COMP: variants seen among roughly 807,000 people sequenced by gnomAD.
The protein encoded by COMP is cartilage oligomeric matrix protein.
COMP carries 79 observed loss-of-function variants against 95.8 expected under a neutral mutation model. The observed-to-expected ratio is 0.82, with a 90% CI of 0.69 to 0.99. The LOEUF (loss-of-function observed/expected upper bound fraction) is 0.99. Ranked by LOEUF, COMP falls within the 50% of genes least tolerant of loss-of-function variation. COMP has a pLI of 0.00. For synonymous variants in COMP, 438 were observed against 433.9 expected (o/e 1.01, Z -0.12); for missense variants, 906 against 1,076.1 (o/e 0.84, Z 2.21).
rs1206596067 is a variant in COMP at position 18,784,814 on chromosome 19, C to T, written c.1914+82G>A. 8 of 1,492,244 alleles carry T rather than the reference C, an allele frequency of 5.4e-6. No homozygotes were observed. In the East Asian group the frequency reaches 6.8e-5, roughly 13 times the overall value. The allele number at this position is 1,492,244 out of a possible 1,614,324, so 92.4% of individuals were successfully genotyped here. A position where few individuals can be genotyped will look rare whatever the true frequency, so the allele number is the denominator to read the frequency against. ...AGTATGAGGCTAGGGGGCTGGGGGGCTCTAAGGGCTGTAAAGGGTTTTACG... is the reference window on the plus strand; with the variant it reads ...AGTATGAGGCTAGGGGGCTGGGGGGTTCTAAGGGCTGTAAAGGGTTTTACG... On this transcript the variant is annotated intron_variant, in intron 16 of 18. Transcript: ENST00000222271. The surrounding 1 kb of genome is among the most constrained non-coding windows in gnomAD (Gnocchi z 4.9).
Position 18,784,287 on chromosome 19 carries a change from AC to A in COMP, c.1990del (p.Val664CysfsTer?). ...LWHTGDTESQ[V>X]RLLWKDPRNV... ...TCGCGGGTCCTTCCACAGCAGCCGC[AC>A]CTGGGACTCTGTGTCTCCTGTATGC... On this transcript the variant is annotated frameshift_variant, in exon 17 of 19. Transcript: ENST00000222271. LOFTEE classifies it high-confidence loss of function. This position sits in a 1 kb window ranked among gnomAD's most constrained non-coding sequence, Gnocchi z 4.9. 3.1e-6 allele frequency: 5 copies of A among 1,614,082 alleles called. No homozygotes were observed. The highest frequency in any genetic ancestry group is 4.2e-6 in the Non-Finnish European group (5 of 1,180,022).
At chr19:18,791,166 C>T (rs768480039) in intron 1 of COMP, 25 bp downstream of exon 1, 43 of 1,564,568 alleles carry the variant, frequency 2.7e-5, no homozygotes, top group South Asian at 2.5e-4. Context: ...GCCGTGGGCA[C>T]GGCGCGGGTG....
Position 18,784,124 on chromosome 19 carries a change from G to A in COMP, c.2087+67C>T. On this transcript the variant is annotated intron_variant, in intron 17 of 18. Transcript: ENST00000222271. The surrounding 1 kb of genome is among the most constrained non-coding windows in gnomAD (Gnocchi z 4.9). ...ACCAGGGTCACACAGCCCCTGCCTG[G>A]CCAGGGCACTCCCACCTGGGCCTGT... 1.9e-6 allele frequency: 3 copies of A among 1,573,248 alleles called. No homozygotes were observed. Among genetic ancestry groups the A allele is most frequent in the Non-Finnish European group, 2.6e-6 (3 of 1,145,356 alleles).
chr19:18,790,497 C>CTGTCTCTGTCTCTG, intron 3 of COMP, 65 bp downstream of exon 3: 1 of 1,596,608 alleles, frequency 6.3e-7, no homozygotes, highest in Non-Finnish European at 8.6e-7. Flanking sequence ...CCCTGGCTCT[C>CTGTCTCTGTCTCTG]TGTCTCTGTC....
Position 18,788,861 on chromosome 19 carries a change from T to C in COMP, c.581A>G (p.Asn194Ser), listed in dbSNP as rs1410653129. The stretch of plus-strand genomic sequence containing the variant: ...TACCCGGGTGTTGATGCACACGGAG[T>C]TGGGGACGCAGTTATGTTGCCCGGT... ...CETGQHNCVP[N>S]SVCINTRGSF... Residue 194 changes from asparagine to serine, a missense_variant, in exon 6 of 19, where the codon AAC becomes AGC. Asn to Ser is a conservative substitution (Grantham distance 46, BLOSUM62 1). Transcript: ENST00000222271. The surrounding 1 kb of genome is among the most constrained non-coding windows in gnomAD (Gnocchi z 4.7). 2.5e-6 allele frequency: 4 copies of C among 1,613,836 alleles called. No individual in the cohort carries two copies. The highest frequency in any genetic ancestry group is 3.4e-6 in the Non-Finnish European group (4 of 1,179,970).
At position 18,784,066 on chromosome 19, in the gene COMP, GC is replaced by G; in HGVS notation, c.2087+124del. On this transcript the variant is annotated intron_variant, in intron 17 of 18. Transcript: ENST00000222271. This position sits in a 1 kb window ranked among gnomAD's most constrained non-coding sequence, Gnocchi z 4.9. ...GGACCAGCATAGGCTCATTCTAACT[GC>G]CCTGTATCTTTCCTATCGTACAGAT... 9.1e-7 allele frequency: 1 copy of G among 1,096,584 alleles called. No homozygotes were observed. The allele number at this position is 1,096,584 out of a possible 1,614,324, so 67.9% of individuals were successfully genotyped here.
At chr19:18,787,752 C>G in intron 9 of COMP, 102 bp from the exon 10 acceptor site, 1 of 1,524,316 alleles carries the variant, frequency 6.6e-7, no homozygotes. Flanking sequence ...CCTCAAGGAA[C>G]CTTTCGCCCC....
At chr19:18,785,422 C>G in intron 15 of COMP, 76 bp downstream of exon 15, 1 of 1,587,376 alleles carries the variant, frequency 6.3e-7, no homozygotes, top group Non-Finnish European at 8.6e-7. Flanking sequence ...CCATTCTCAG[C>G]CCGGGCCTGC....
Position 18,784,425 on chromosome 19 carries a change from C to T in COMP, c.1915-62G>A. 6.3e-7 allele frequency: 1 copy of T among 1,594,554 alleles called. No individual in the cohort carries two copies. Among genetic ancestry groups the T allele is most frequent in the Non-Finnish European group, 8.6e-7 (1 of 1,164,916 alleles). On this transcript the variant is annotated intron_variant, in intron 16 of 18. Transcript: ENST00000222271. This position sits in a 1 kb window ranked among gnomAD's most constrained non-coding sequence, Gnocchi z 4.9. ...GGGCCACCGGAGCCCCCCTAGACAC[C>T]TTCCTGGAGAGACAGTTGGGAGCAG...
rs756649872 is a variant in COMP at position 18,788,445 on chromosome 19, C to A, written c.832G>T (p.Glu278Ter). 6.3e-7 allele frequency: 1 copy of A among 1,587,724 alleles called. No individual in the cohort carries two copies. Among genetic ancestry groups the A allele is most frequent in the Non-Finnish European group, 8.6e-7 (1 of 1,165,326 alleles). Residue 278 changes from glutamate to a stop codon, truncating the protein, a stop_gained, in exon 8 of 19, where the codon GAG (glutamate) becomes TAG (stop). Coordinates refer to ENST00000222271, the MANE Select transcript of COMP (RefSeq NM_000095.3). LOFTEE classifies it high-confidence loss of function. The surrounding 1 kb of genome is among the most constrained non-coding windows in gnomAD (Gnocchi z 4.7). ...TGGCGCTCCGGGCAGCGCAGCTTCT[C>A]GTCCGGGAAGCCGTCTAGGTCAGTG... is the stretch of plus-strand genomic sequence containing the variant. ...RDTDLDGFPD[E>*]KLRCPERQCR...
intron 17 of COMP, among the ~76,000 whole-genome samples, chr19:18,783,673 G>A (rs567344403): frequency 1.4e-4 from 21 of 149,850 alleles, no homozygotes; most frequent in Non-Finnish European, 2.5e-4. Flanking sequence ...GCAATGGCAC[G>A]ATCTCCACTC....
At position 18,788,436 on chromosome 19, in the gene COMP, G is replaced by T. The variant is rs1455818871; in HGVS notation, c.841C>A (p.Arg281Ser). The T allele has an allele frequency of 6.6e-7, 1 of 1,512,998 alleles. No homozygotes were observed. The highest frequency in any genetic ancestry group is 1.8e-5 in the Admixed American group (1 of 56,618). 93.7% of individuals were successfully genotyped at this position (1,512,998 alleles called of 1,614,324 possible). The stretch of plus-strand genomic sequence containing the variant: ...TTACGGCACTGGCGCTCCGGGCAGC[G>T]CAGCTTCTCGTCCGGGAAGCCGTCT... ...DLDGFPDEKLRCPERQCRKDN... is the reference protein window; with the variant it reads ...DLDGFPDEKLSCPERQCRKDN... Residue 281 changes from arginine (R) to serine (S), a missense_variant, in exon 8 of 19, where the codon CGC (arginine) becomes AGC (serine). Transcript: ENST00000222271. The surrounding 1 kb of genome is among the most constrained non-coding windows in gnomAD (Gnocchi z 4.7).
Position 18,789,596 on chromosome 19 carries a change from G to T in COMP, c.391-299C>A, listed in dbSNP as rs1446667816. On this transcript the variant is annotated intron_variant, in intron 4 of 18. Coordinates refer to ENST00000222271, the MANE Select transcript of COMP (RefSeq NM_000095.3). The surrounding 1 kb of genome is among the most constrained non-coding windows in gnomAD (Gnocchi z 6.1). ...CGTGCGTGCCCGGCGGTGGCGGGGGGTCTGGGCGTGCGTTCCCTGGCTGTG... is the reference window on the plus strand; with the variant it reads ...CGTGCGTGCCCGGCGGTGGCGGGGGTTCTGGGCGTGCGTTCCCTGGCTGTG... Among the ~76,000 whole-genome samples, 1 of 151,478 alleles carries T rather than the reference G, an allele frequency of 6.6e-6. No individual in the cohort carries two copies. Among genetic ancestry groups the T allele is most frequent in the Non-Finnish European group, 1.5e-5 (1 of 67,866 alleles).
rs751036767 is a variant in COMP at position 18,785,967 on chromosome 19, T to C, written c.1487A>G (p.Asp496Gly). 1 of 1,607,172 alleles carries C rather than the reference T, an allele frequency of 6.2e-7. No individual in the cohort carries two copies. The highest frequency in any genetic ancestry group is 1.7e-5 in the Admixed American group (1 of 59,496). ...LVPNPGQEDA[D>G]RDGVGDVCQD... is the part of the protein sequence containing the mutation. ...CGCAGGCCCCGCCCCCGCCGTACTG[T>C]CCGCGTCCTCCTGGCCGGGGTTAGG... The change falls in exon 13 of 19, where the codon GAC becomes GGC. Residue 496 changes from aspartate to glycine, a missense_variant and splice_region_variant. By Grantham distance (94) the Asp-to-Gly change is moderately conservative. Coordinates refer to ENST00000222271, the MANE Select transcript of COMP (RefSeq NM_000095.3).
chr19:18,790,121 G>A lies in COMP; in HGVS notation c.218-7C>T, dbSNP rs554031979. 4 of 1,523,374 alleles carry A rather than the reference G, an allele frequency of 2.6e-6. No homozygotes were observed. Among genetic ancestry groups the A allele is most frequent in the African/African-American group, 1.4e-5 (1 of 72,620 alleles). 94.4% of individuals were successfully genotyped at this position (1,523,374 alleles called of 1,614,324 possible). On this transcript the variant is annotated splice_polypyrimidine_tract_variant and splice_region_variant and intron_variant, in intron 3 of 18. Transcript: ENST00000222271. ...CGTACTGACTGCTGCATCCCTGCGG[G>A]GGGGAGGGGGGAGAAGCGGCGGGGC...
intron 17 of COMP, among the ~76,000 whole-genome samples, chr19:18,783,759 G>A (rs914164987): frequency 3.9e-5 from 6 of 152,056 alleles, no homozygotes; most frequent in Admixed American, 2.6e-4. Flanking sequence ...ACAGGGCCCC[G>A]CCACCACACC....
At position 18,788,153 on chromosome 19, in the gene COMP, C is replaced by T; in HGVS notation, c.975+59G>A. 5 of 1,415,516 alleles carry T rather than the reference C, an allele frequency of 3.5e-6. No individual in the cohort carries two copies. Among genetic ancestry groups the T allele is most frequent in the Middle Eastern group, 1.8e-4 (1 of 5,706 alleles). 87.7% of individuals were successfully genotyped at this position (1,415,516 alleles called of 1,614,324 possible). ...TCTTGACCTCGTGATCCGCCCGCCT[C>T]GGCCTCCCAAAGTGCTGGGATTACA... On this transcript the variant is annotated intron_variant, in intron 9 of 18. Coordinates refer to ENST00000222271, the MANE Select transcript of COMP (RefSeq NM_000095.3). The surrounding 1 kb of genome is among the most constrained non-coding windows in gnomAD (Gnocchi z 4.7).
chr19:18,789,510 G>C lies in COMP; in HGVS notation c.391-213C>G, dbSNP rs1427582720. ...AGGAGAGGAGAGCTGTTCCCTCATGGGCGAGGGGAGGAAGGATGAGGGCGG... is the reference window on the plus strand; with the variant it reads ...AGGAGAGGAGAGCTGTTCCCTCATGCGCGAGGGGAGGAAGGATGAGGGCGG... On this transcript the variant is annotated intron_variant, in intron 4 of 18. Coordinates refer to ENST00000222271, the MANE Select transcript of COMP (RefSeq NM_000095.3). This position sits in a 1 kb window ranked among gnomAD's most constrained non-coding sequence, Gnocchi z 6.1. 1.3e-5 allele frequency among the ~76,000 whole-genome samples: 2 copies of C among 152,096 alleles called. No homozygotes were observed.
At chr19:18,790,357 T>TTCCCCAAAACTCTCTCACC (rs1368484074) in intron 3 of COMP, among the ~76,000 whole-genome samples, 2 of 152,028 alleles carry the variant, frequency 1.3e-5, no homozygotes, top group African/African-American at 4.8e-5. Flanking sequence ...CGTCTCTCAC[T>TTCCCCAAAACTCTCTCACC]TCCCCAAAAC....
Sources: allele counts gnomAD v4.1 joint callset (sites outside exome capture counted in the v4.1 genomes callset), GRCh38; gene constraint gnomAD v4.1.1; non-coding constraint Gnocchi (gnomAD v3.1); transcripts MANE v1.5; gene names NCBI Gene and HGNC (gene_info 2026-07-23, HGNC 2026-07-21).